Variants in RIPK4 observed in about 807,000 individuals in gnomAD.
The protein encoded by RIPK4 is receptor interacting serine/threonine kinase 4, also known as receptor-interacting serine/threonine-protein kinase 4.
Under a neutral mutation model 42.9 loss-of-function variants are expected in RIPK4, and 17 were observed. The ratio of observed to expected loss-of-function variants is 0.40; its 90% CI spans 0.27 to 0.59. The LOEUF (loss-of-function observed/expected upper bound fraction) is 0.59, where lower values mean the gene tolerates loss of function less well. Among genes scored for constraint, RIPK4 ranks in the 20% least tolerant of loss-of-function variants. The pLI is 0.47. For synonymous variants in RIPK4, 498 were observed against 499.1 expected, an observed-to-expected ratio of 1.00 and a Z score of 0.03; for missense variants, 897 against 1,104.4, an observed-to-expected ratio of 0.81 and a Z score of 2.66.
At chr21:41,762,542 C>T (rs2838117) in intron 1 of RIPK4, among the ~76,000 whole-genome samples, 33,484 of 152,142 alleles carry the variant, frequency 0.22, 3,886 homozygotes, top group Middle Eastern at 0.25. Context: ...CGCCCGGCGG[C>T]ATTTGCAATT....
chr21:41,752,472 C>T (rs1307507306), intron 2 of RIPK4, among the ~76,000 whole-genome samples: 1 of 152,192 alleles, frequency 6.6e-6, no homozygotes. Context: ...GGCCCTCCTT[C>T]TCTGCAGCCA....
At chr21:41,761,088 G>A (rs13052710) in intron 1 of RIPK4, among the ~76,000 whole-genome samples, 17,678 of 152,206 alleles carry the variant, frequency 0.12, 1,148 homozygotes, top group Middle Eastern at 0.21. Context: ...CAGGCTCTGG[G>A]ACCCATCAAG....
At chr21:41,753,124 T>C (rs1426863691) in intron 2 of RIPK4, among the ~76,000 whole-genome samples, 3 of 152,230 alleles carry the variant, frequency 2.0e-5, no homozygotes, top group African/African-American at 7.2e-5. Flanking sequence ...AGACTCACTG[T>C]TCTAATCTTG....
At chr21:41,754,316 T>C (rs2061196711) in intron 2 of RIPK4, among the ~76,000 whole-genome samples, 1 of 152,102 alleles carries the variant, frequency 6.6e-6, no homozygotes, top group Admixed American at 6.5e-5. Context: ...AAAAAATAAG[T>C]ATGTCACGTA....
chr21:41,745,452 C>T (rs1435033949), intron 6 of RIPK4, among the ~76,000 whole-genome samples: 1 of 152,224 alleles, frequency 6.6e-6, no homozygotes, highest in East Asian at 1.9e-4. Flanking sequence ...CCAGCTCTCC[C>T]TCCCCGGCCG....
intron 1 of RIPK4, among the ~76,000 whole-genome samples, chr21:41,763,728 A>T (rs2061227891): frequency 6.6e-6 from 1 of 152,176 alleles, no homozygotes; most frequent in South Asian, 2.1e-4. Flanking sequence ...CTGACAAGAA[A>T]CGGGCTTGTC....
rs371965062 is a variant in RIPK4, at chr21:41,741,858, C to T, written c.1335G>A (p.Ala445=). ...CGCACTCCTCTTGCCCGGCCTCCACCGCCAGGTGCAGCAGGCTGGCACCGC... is the reference window on the plus strand; with the variant it reads ...CGCACTCCTCTTGCCCGGCCTCCACTGCCAGGTGCAGCAGGCTGGCACCGC... ...LDSGASLLHL[A]VEAGQEECAK... The change falls in exon 8 of 8, where the codon GCG becomes GCA. Residue 445 remains alanine, a synonymous_variant. Coordinates refer to ENST00000332512, the MANE Select transcript of RIPK4 (RefSeq NM_020639.3). 21 of 1,612,318 alleles carry T rather than the reference C, an allele frequency of 1.3e-5. No individual in the cohort carries two copies. Among genetic ancestry groups the T allele is most frequent in the East Asian group, 2.2e-5 (1 of 44,872 alleles).
intron 2 of RIPK4, among the ~76,000 whole-genome samples, chr21:41,754,278 T>G (rs1206841134): frequency 6.6e-6 from 1 of 152,228 alleles, no homozygotes. Context: ...CCTGCTGCAC[T>G]CTACGCACAC....
chr21:41,763,561 C>T (rs2061227321), intron 1 of RIPK4, among the ~76,000 whole-genome samples: 1 of 152,152 alleles, frequency 6.6e-6, no homozygotes, highest in South Asian at 2.1e-4. Flanking sequence ...ACAAAGAGCT[C>T]CGAAGGAGAA....
At position 41,746,290 on chromosome 21, in the gene RIPK4, G is replaced by A. The variant is rs1601676974; in HGVS notation, c.832+323C>T. On this transcript the variant is annotated intron_variant, in intron 5 of 7. Transcript: ENST00000332512. Reference sequence around the variant, plus strand: ...AGAAGGGCGACGCCGCCGGCCACCGGCCAGGTAAGTCCCCGGGAAGAGCAT... The same window carrying A: ...AGAAGGGCGACGCCGCCGGCCACCGACCAGGTAAGTCCCCGGGAAGAGCAT... 1.2e-5 allele frequency: 7 copies of A among 589,592 alleles called. No homozygotes were observed. In the East Asian group the frequency reaches 2.1e-4, roughly 18 times the overall value. 36.5% of individuals were successfully genotyped at this position (589,592 alleles called of 1,614,324 possible).
At chr21:41,761,569 C>T (rs1376596849) in intron 1 of RIPK4, among the ~76,000 whole-genome samples, 5 of 152,168 alleles carry the variant, frequency 3.3e-5, no homozygotes, top group African/African-American at 7.2e-5. Context: ...ACTGTGCAAC[C>T]GTGTGAGGCA....
chr21:41,757,859 C>T (rs762396536), intron 1 of RIPK4, among the ~76,000 whole-genome samples: 1 of 150,454 alleles, frequency 6.6e-6, no homozygotes, highest in Non-Finnish European at 1.5e-5. Context: ...ATTAGCTGGG[C>T]GTGGTGGCGC....
At chr21:41,760,800 C>T (rs540994485) in intron 1 of RIPK4, among the ~76,000 whole-genome samples, 13 of 152,196 alleles carry the variant, frequency 8.5e-5, no homozygotes, top group African/African-American at 3.1e-4. Flanking sequence ...TGAATACACT[C>T]AAGGAGCAAA....
In RIPK4 at chr21:41,766,900, G is replaced by A; in HGVS notation, c.142C>T (p.Leu48=). The change falls in exon 1 of 8, where the codon CTG becomes TTG. Residue 48 remains leucine, a synonymous_variant. Coordinates refer to ENST00000332512, the MANE Select transcript of RIPK4 (RefSeq NM_020639.3). ...KVRHVHWKTW[L]AIKCSPSLHV... is the part of the protein sequence containing the mutation. ...AGGCTGGGCGAGCACTTGATGGCCA[G>A]CCAGGTCTTCCAGTGGACATGGCGC... is the stretch of plus-strand genomic sequence containing the variant. 2 of 1,610,552 alleles carry A rather than the reference G, an allele frequency of 1.2e-6. No individual in the cohort carries two copies. The highest frequency in any genetic ancestry group is 1.1e-5 in the South Asian group (1 of 91,002).
rs766845403 is a variant in RIPK4, at chr21:41,744,829, C to T, written c.937-689G>A. ...AAGGGGAAGGACCCGGCTACAGGGA[C>T]GAGGGGTGATCCAATCCGACATACA... is the stretch of plus-strand genomic sequence containing the variant. On this transcript the variant is annotated intron_variant, in intron 6 of 7. Transcript: ENST00000332512. Among the ~76,000 whole-genome samples, 81 of 152,222 alleles carry T rather than the reference C, an allele frequency of 5.3e-4. 1 individual carries two copies. The highest frequency in any genetic ancestry group is 3.4e-3 in the Middle Eastern group (1 of 294).
rs199948382 is a variant in RIPK4, at chr21:41,751,063, A to C, written c.623+34T>G. ...AGCATTGAGGTTGAGAGCCCCTGGC[A>C]CCCACAGGGGATGGGGGGCGGCATG... On this transcript the variant is annotated intron_variant, in intron 3 of 7. Transcript: ENST00000332512. This position sits in a 1 kb window ranked among gnomAD's most constrained non-coding sequence, Gnocchi z 4.5. 535 of 1,599,854 alleles carry C rather than the reference A, an allele frequency of 3.3e-4. No homozygotes were observed. In the African/African-American group the frequency reaches 6.4e-3, roughly 19 times the overall value.
chr21:41,763,018 T>C (rs2061225598), intron 1 of RIPK4, among the ~76,000 whole-genome samples: 1 of 152,172 alleles, frequency 6.6e-6, no homozygotes, highest in African/African-American at 2.4e-5. Context: ...TAGGCACAGT[T>C]CAGAGGGGGT....
In RIPK4 at chr21:41,751,283, C is replaced by G. The variant is rs1431107871; in HGVS notation, c.475-38G>C. ...CATCAGAGCGGGGCTCATTAGCCTG[C>G]AACAGTGATATTTTATGATGCTTTA... On this transcript the variant is annotated intron_variant, in intron 2 of 7. Transcript: ENST00000332512. The surrounding 1 kb of genome is among the most constrained non-coding windows in gnomAD (Gnocchi z 4.5). 1.2e-6 allele frequency: 2 copies of G among 1,607,706 alleles called. No individual in the cohort carries two copies. The highest frequency in any genetic ancestry group is 1.7e-6 in the Non-Finnish European group (2 of 1,176,028).
Position 41,741,547 on chromosome 21 carries a change from T to C in RIPK4, c.1646A>G (p.Gln549Arg). ...TPMHVACQHGQENIVRILLRR... is the reference protein window; with the variant it reads ...TPMHVACQHGRENIVRILLRR... ...CAGCAGGATGCGCACGATATTCTCC[T>C]GCCCGTGCTGGCAGGCCACGTGCAT... is the stretch of plus-strand genomic sequence containing the variant. Residue 549 changes from glutamine (Q) to arginine (R), a missense_variant, in exon 8 of 8, where the codon CAG becomes CGG. Physicochemically the swap from Gln to Arg is conservative, Grantham distance 43 (BLOSUM62 1). Coordinates refer to ENST00000332512, the MANE Select transcript of RIPK4 (RefSeq NM_020639.3). 2.5e-6 allele frequency: 4 copies of C among 1,612,314 alleles called. No homozygotes were observed. The highest frequency in any genetic ancestry group is 3.4e-6 in the Non-Finnish European group (4 of 1,180,006).
Sources: gnomAD v4.1 joint callset for allele counts (sites outside exome capture counted in the v4.1 genomes callset) on GRCh38, gnomAD v4.1.1 for gene constraint, Gnocchi (gnomAD v3.1) non-coding constraint, MANE v1.5 for transcripts, NCBI Gene and HGNC (gene_info 2026-07-23, HGNC 2026-07-21) for gene names.